NOTCH2: variants seen among roughly 807,000 people sequenced by gnomAD.
NOTCH2 encodes neurogenic locus notch homolog protein 2.
In NOTCH2, 29 loss-of-function variants were observed where a neutral mutation model predicts 235.8. The ratio of observed to expected loss-of-function variants is 0.12; its 90% CI spans 0.09 to 0.17. The LOEUF is 0.17. Among genes scored for constraint, NOTCH2 ranks in the 10% least tolerant of loss-of-function variants. The pLI, the probability that NOTCH2 is intolerant of heterozygous loss-of-function variation, is 1.00. For missense variants in NOTCH2, 2,285 were observed against 3,150.2 expected, an observed-to-expected ratio of 0.73 and a Z score of 6.57; for synonymous variants, 1,086 against 1,141.5, an observed-to-expected ratio of 0.95 and a Z score of 0.98.
chr1:119,921,470 G>A (rs1649282790), intron 29 of NOTCH2, among the ~76,000 whole-genome samples: 3 of 152,148 alleles, frequency 2.0e-5, no homozygotes, highest in African/African-American at 7.2e-5. Context: ...TAACACTAAA[G>A]GAAACAGATG....
At chr1:119,931,610 C>T (rs956895370) in intron 22 of NOTCH2, among the ~76,000 whole-genome samples, 1 of 151,940 alleles carries the variant, frequency 6.6e-6, no homozygotes, top group Admixed American at 6.6e-5. Flanking sequence ...CAGAAGAACA[C>T]CAAAAATACA....
intron 5 of NOTCH2, among the ~76,000 whole-genome samples, chr1:119,978,100 A>G (rs782021107): frequency 2.6e-5 from 4 of 152,134 alleles, no homozygotes; most frequent in Non-Finnish European, 5.9e-5. Flanking sequence ...TGTAACTTTT[A>G]AGAGAAGGCC....
chr1:119,948,478 C>T lies in NOTCH2; in HGVS notation c.2688G>A (p.Met896Ile). The T allele has an allele frequency of 1.2e-6, 2 of 1,614,218 alleles. No homozygotes were observed. Among genetic ancestry groups the T allele is most frequent in the Non-Finnish European group, 8.5e-7 (1 of 1,180,042 alleles). Residue 896 changes from methionine (M) to isoleucine (I), a missense_variant, in exon 17 of 34, where the codon ATG (methionine) becomes ATA (isoleucine). Met to Ile is a conservative substitution (Grantham distance 10, BLOSUM62 1). Coordinates refer to ENST00000256646, the MANE Select transcript of NOTCH2 (RefSeq NM_024408.4). ...GLCHNTQGSY[M>I]CECPPGFSGM... ...CACTGAAGCCTGGTGGACATTCACA[C>T]ATGTAGCTGCCCTGGGTGTTATGGC...
chr1:120,041,041 C>CAAAAAAA (rs71586698), intron 1 of NOTCH2, among the ~76,000 whole-genome samples: 1 of 15,670 alleles, frequency 6.4e-5, no homozygotes, highest in Non-Finnish European at 1.1e-4. Flanking sequence ...ACTCTGCCTG[C>CAAAAAAA]AAAAAAAAAA....
chr1:119,942,210 C>A (rs1183357256), intron 17 of NOTCH2, among the ~76,000 whole-genome samples: 1 of 152,148 alleles, frequency 6.6e-6, no homozygotes. Flanking sequence ...CTTTTTCTCT[C>A]TCTTTTAGAT....
chr1:119,915,095 TA>T lies in NOTCH2; in HGVS notation c.*210del. On this transcript the variant is annotated 3_prime_UTR_variant, in exon 34 of 34. Transcript: ENST00000256646. ...ATCTTGCATTTCCACAAACTTGTCT[TA>T]TTAGATTAGAATAATCAATAAGCCT... The T allele has an allele frequency of 5.0e-6, 3 of 602,286 alleles. No homozygotes were observed. Among genetic ancestry groups the T allele is most frequent in the Non-Finnish European group, 8.9e-6 (3 of 338,620 alleles). 37.3% of individuals were successfully genotyped at this position (602,286 alleles called of 1,614,324 possible).
At chr1:119,947,263 A>C (rs1650293198) in intron 17 of NOTCH2, among the ~76,000 whole-genome samples, 1 of 152,204 alleles carries the variant, frequency 6.6e-6, no homozygotes, top group Non-Finnish European at 1.5e-5. Flanking sequence ...AATCATTGGG[A>C]AGCAAATACC....
rs1648904883 is a variant in NOTCH2 at position 119,911,847 on chromosome 1, T to G, written c.*3459A>C. Reference sequence around the variant, plus strand: ...GGCTAGTGCACAGAAGAGTGCTCAGTTTTGTGATGTTTCCTATTTGACAGA... The same window carrying G: ...GGCTAGTGCACAGAAGAGTGCTCAGGTTTGTGATGTTTCCTATTTGACAGA... On this transcript the variant is annotated 3_prime_UTR_variant, in exon 34 of 34. Coordinates refer to ENST00000256646, the MANE Select transcript of NOTCH2 (RefSeq NM_024408.4). 4.3e-6 allele frequency: 1 copy of G among 233,130 alleles called. No individual in the cohort carries two copies. The highest frequency in any genetic ancestry group is 1.8e-4 in the South Asian group (1 of 5,534). 14.4% of individuals were successfully genotyped at this position (233,130 alleles called of 1,614,324 possible). A position where few individuals can be genotyped will look rare whatever the true frequency, so the allele number is the denominator to read the frequency against.
At chr1:119,918,017 G>C (rs1366945604) in intron 32 of NOTCH2, among the ~76,000 whole-genome samples, 1 of 152,118 alleles carries the variant, frequency 6.6e-6, no homozygotes, top group Non-Finnish European at 1.5e-5. Flanking sequence ...CTACATGGCA[G>C]AATCTACCCT....
At chr1:119,952,537 A>G (rs1321752951) in intron 14 of NOTCH2, among the ~76,000 whole-genome samples, 1 of 152,160 alleles carries the variant, frequency 6.6e-6, no homozygotes, top group African/African-American at 2.4e-5. Flanking sequence ...GGAGCGCACA[A>G]TCTACATCCT....
intron 25 of NOTCH2, 51 bp from the exon 26 acceptor site, chr1:119,924,035 G>A (rs1649378337): frequency 6.9e-7 from 1 of 1,448,886 alleles, no homozygotes. Context: ...TTAGACTGGA[G>A]CTCTATTTGC....
chr1:119,928,841 T>TA, intron 23 of NOTCH2, 135 bp downstream of exon 23: 1 of 751,350 alleles, frequency 1.3e-6, no homozygotes. Context: ...AAACTGGCTT[T>TA]AAAAAATTAA....
chr1:119,976,536 T>C (rs1184403589), intron 5 of NOTCH2, among the ~76,000 whole-genome samples: 5 of 151,954 alleles, frequency 3.3e-5, no homozygotes, highest in Non-Finnish European at 7.4e-5. Context: ...CCACTAATTC[T>C]AGACAGCATC....
rs2101124374 is a variant in NOTCH2 at position 119,955,068 on chromosome 1, G to A, written c.2191C>T (p.His731Tyr). The A allele has an allele frequency of 6.2e-7, 1 of 1,613,970 alleles. No homozygotes were observed. Among genetic ancestry groups the A allele is most frequent in the Non-Finnish European group, 8.5e-7 (1 of 1,179,962 alleles). The change falls in exon 13 of 34, where the codon CAT (histidine) becomes TAT (tyrosine). Residue 731 changes from histidine to tyrosine, a missense_variant. Transcript: ENST00000256646. ...CTGAGACCTCCAGTACAGTTTCCATGGATGCAGGGATTGCTCAGGCATTCG... is the reference window on the plus strand; with the variant it reads ...CTGAGACCTCCAGTACAGTTTCCATAGATGCAGGGATTGCTCAGGCATTCG... ...VNECLSNPCI[H>Y]GNCTGGLSGY... is the part of the protein sequence containing the mutation.
intron 1 of NOTCH2, among the ~76,000 whole-genome samples, chr1:120,045,719 T>G (rs587736362): frequency 6.6e-6 from 1 of 152,404 alleles, no homozygotes; most frequent in Non-Finnish European, 1.5e-5. Context: ...ATACAGTTTT[T>G]TAATTGAAAA....
intron 10 of NOTCH2, among the ~76,000 whole-genome samples, chr1:119,965,132 A>G (rs1272353439): frequency 6.6e-6 from 1 of 151,668 alleles, no homozygotes; most frequent in Non-Finnish European, 1.5e-5. Context: ...GCCCCAGTGA[A>G]AAATAGCTTT....
At chr1:120,006,259 T>G (rs1652972240) in intron 2 of NOTCH2, among the ~76,000 whole-genome samples, 1 of 152,152 alleles carries the variant, frequency 6.6e-6, no homozygotes, top group African/African-American at 2.4e-5. Context: ...CTGTTAATAT[T>G]TAAGTAGTAG....
At chr1:119,969,046 C>T (rs1651259794) in intron 6 of NOTCH2, among the ~76,000 whole-genome samples, 1 of 152,198 alleles carries the variant, frequency 6.6e-6, no homozygotes, top group South Asian at 2.1e-4. Context: ...AACTTTGTAG[C>T]ATGTAAAAAT....
At chr1:119,952,530 G>A (rs1650520695) in intron 14 of NOTCH2, among the ~76,000 whole-genome samples, 1 of 152,202 alleles carries the variant, frequency 6.6e-6, no homozygotes, top group South Asian at 2.1e-4. Flanking sequence ...CTTATAAGGA[G>A]CGCACAATCT....
Sources: allele counts gnomAD v4.1 joint callset (sites outside exome capture counted in the v4.1 genomes callset), GRCh38; gene constraint gnomAD v4.1.1; transcripts MANE v1.5; gene names NCBI Gene and HGNC (gene_info 2026-07-23, HGNC 2026-07-21).